VAT1L: variants seen among roughly 807,000 people sequenced by gnomAD.
The protein encoded by VAT1L is putative NADPH-dependent quinone oxidoreductase VAT1L.
VAT1L carries 34 observed loss-of-function variants against 44.1 expected under a neutral mutation model. The ratio of observed to expected loss-of-function variants is 0.77; its 90% CI spans 0.59 to 1.03. The LOEUF is 1.03. VAT1L is among the 50% of genes least tolerant of loss of function. The pLI is 0.00. For synonymous variants in VAT1L, 253 were observed against 202.2 expected (o/e 1.25, Z -2.13); for missense variants, 615 against 538.8 (o/e 1.14, Z -1.40).
At chr16:77,925,171 G>C (rs1290180012) in intron 7 of VAT1L, among the ~76,000 whole-genome samples, 2 of 152,064 alleles carry the variant, frequency 1.3e-5, no homozygotes, top group East Asian at 3.9e-4. Context: ...GGCAAGCAAG[G>C]TACCTAGTGT....
chr16:77,877,512 CAAAAAAAAAAA>C (rs55704400), intron 5 of VAT1L, among the ~76,000 whole-genome samples: 7,171 of 86,204 alleles, frequency 0.083, 225 homozygotes, highest in East Asian at 0.18. Context: ...GACTCTGTCT[CAAAAAAAAAAA>C]AAAAAAAAAA....
chr16:77,945,797 C>CTTTT (rs58436423), intron 7 of VAT1L, among the ~76,000 whole-genome samples: 24 of 141,206 alleles, frequency 1.7e-4, no homozygotes, highest in African/African-American at 2.6e-4. Flanking sequence ...AGTGGCTTGA[C>CTTTT]TTTTTTTTTT....
At chr16:77,925,707 G>C (rs1022781231) in intron 7 of VAT1L, among the ~76,000 whole-genome samples, 2 of 152,154 alleles carry the variant, frequency 1.3e-5, no homozygotes, top group African/African-American at 4.8e-5. Context: ...AAAATCTAGA[G>C]AGACTACAGG....
chr16:77,843,535 A>G (rs1383763375), intron 3 of VAT1L, among the ~76,000 whole-genome samples: 1 of 152,242 alleles, frequency 6.6e-6, no homozygotes, highest in East Asian at 1.9e-4. Flanking sequence ...AGTGAGGCTG[A>G]AAGCCAGGAT....
intron 3 of VAT1L, among the ~76,000 whole-genome samples, chr16:77,844,302 AT>A (rs1204657926): frequency 2.0e-5 from 3 of 152,218 alleles, no homozygotes; most frequent in African/African-American, 7.2e-5. Flanking sequence ...GCTTGTGTAC[AT>A]AGCATTTACA....
intron 7 of VAT1L, among the ~76,000 whole-genome samples, chr16:77,929,549 G>C (rs2017705021): frequency 1.3e-5 from 2 of 152,132 alleles, no homozygotes; most frequent in Admixed American, 1.3e-4. Flanking sequence ...GAAGAAAAGA[G>C]CCCCATTTTT....
At chr16:77,838,300 A>C (rs7198266) in intron 3 of VAT1L, among the ~76,000 whole-genome samples, 9,528 of 152,186 alleles carry the variant, frequency 0.063, 1,044 homozygotes, top group African/African-American at 0.22. Context: ...ATTAAGAAGA[A>C]AAATCAGTTC....
At chr16:77,840,704 G>T (rs2016695531) in intron 3 of VAT1L, among the ~76,000 whole-genome samples, 1 of 151,872 alleles carries the variant, frequency 6.6e-6, no homozygotes, top group South Asian at 2.1e-4. Flanking sequence ...ACAATGCAGT[G>T]GTTAGGGCTC....
chr16:77,904,810 C>T (rs956917812), intron 7 of VAT1L, among the ~76,000 whole-genome samples: 1 of 151,796 alleles, frequency 6.6e-6, no homozygotes, highest in Non-Finnish European at 1.5e-5. Context: ...CTTCCTTAAT[C>T]CATATTTTTA....
intron 3 of VAT1L, 117 bp from the exon 4 acceptor site, chr16:77,862,623 TAAAAAAAA>T: frequency 2.5e-6 from 1 of 395,496 alleles, no homozygotes; most frequent in Non-Finnish European, 3.9e-6. Flanking sequence ...ACTCCATCTC[TAAAAAAAA>T]AAAAAAAAAA....
chr16:77,849,634 C>A (rs1260891652), intron 3 of VAT1L, among the ~76,000 whole-genome samples: 1 of 152,126 alleles, frequency 6.6e-6, no homozygotes, highest in East Asian at 1.9e-4. Flanking sequence ...AGGGTCCTGT[C>A]CTACAAAGAA....
chr16:77,812,084 CTTT>C (rs11298811), intron 1 of VAT1L, among the ~76,000 whole-genome samples: 42 of 130,590 alleles, frequency 3.2e-4, no homozygotes, highest in Non-Finnish European at 2.7e-4. Flanking sequence ...GTCCTTGAAT[CTTT>C]TTTTTTTTTT....
chr16:77,957,958 A>G (rs2018121652), intron 7 of VAT1L, among the ~76,000 whole-genome samples: 1 of 151,990 alleles, frequency 6.6e-6, no homozygotes, highest in African/African-American at 2.4e-5. Context: ...CCCAGCCTGG[A>G]GTACAATGGT....
At chr16:77,865,232 C>T (rs950059408) in intron 4 of VAT1L, among the ~76,000 whole-genome samples, 1 of 152,084 alleles carries the variant, frequency 6.6e-6, no homozygotes, top group Non-Finnish European at 1.5e-5. Flanking sequence ...CTTGGCCTCC[C>T]AAAGTGCTGG....
intron 2 of VAT1L, among the ~76,000 whole-genome samples, chr16:77,817,497 T>A (rs545422918): frequency 6.6e-6 from 1 of 152,294 alleles, no homozygotes; most frequent in South Asian, 2.1e-4. Flanking sequence ...ATTTAAGTAA[T>A]CATTTATAAA....
chr16:77,891,356 A>C (rs904715501), intron 7 of VAT1L, among the ~76,000 whole-genome samples: 14 of 152,206 alleles, frequency 9.2e-5, no homozygotes, highest in African/African-American at 3.1e-4. Context: ...TCCGTCTAAA[A>C]AAACAAACAA....
chr16:77,918,328 T>A (rs2017572052), intron 7 of VAT1L, among the ~76,000 whole-genome samples: 1 of 152,210 alleles, frequency 6.6e-6, no homozygotes, highest in Admixed American at 6.5e-5. Context: ...CTACCATCCG[T>A]GCAGGAAACC....
At chr16:77,921,950 G>C (rs913408981) in intron 7 of VAT1L, among the ~76,000 whole-genome samples, 2 of 151,944 alleles carry the variant, frequency 1.3e-5, no homozygotes, top group South Asian at 2.1e-4. Flanking sequence ...GTCTCACTAT[G>C]TTGCCCAGGC....
At chr16:77,814,983 A>T (rs1483644573) in intron 1 of VAT1L, among the ~76,000 whole-genome samples, 1 of 152,196 alleles carries the variant, frequency 6.6e-6, no homozygotes, top group African/African-American at 2.4e-5. Flanking sequence ...TTAATTTTCA[A>T]TGACAGCCCT....
Sources: allele counts gnomAD v4.1 joint callset (sites outside exome capture counted in the v4.1 genomes callset), GRCh38; gene constraint gnomAD v4.1.1; transcripts MANE v1.5; gene names NCBI Gene and HGNC (gene_info 2026-07-23, HGNC 2026-07-21).